The following AKR7A3 variants were observed in gnomAD, a reference collection of about 807,000 sequenced individuals.
AKR7A3 encodes the protein AFB1 aldehyde reductase 2.
AKR7A3 carries 37 observed loss-of-function variants against 32.5 expected under a neutral mutation model. That is an observed-to-expected ratio of 1.14 (90% CI 0.88 to 1.50). The LOEUF (loss-of-function observed/expected upper bound fraction) is 1.50. Among genes scored for constraint, AKR7A3 ranks in the 40% most tolerant of loss-of-function variants. AKR7A3 has a pLI of 0.00. For missense variants in AKR7A3, 412 were observed against 453.2 expected (o/e 0.91, Z 0.83); for synonymous variants, 177 against 188.4 (o/e 0.94, Z 0.50).
chr1:19,276,681 A>G, the AKR7A3 span, among the ~76,000 whole-genome samples: 1 of 151,802 alleles, frequency 6.6e-6, no homozygotes, highest in African/African-American at 2.4e-5. Flanking sequence ...ATGCACCTGT[A>G]ATCTCAGCTA....
chr1:19,284,028 G>A lies in AKR7A3; in HGVS notation c.802C>T (p.Leu268Phe). Residue 268 changes from leucine (L) to phenylalanine (F), a missense_variant, in exon 6 of 7, where the codon CTC (leucine) becomes TTC (phenylalanine). Leu to Phe is a conservative substitution (Grantham distance 22). Coordinates refer to ENST00000361640, the MANE Select transcript of AKR7A3 (RefSeq NM_012067.3). ...TGTGAGTGGTGGTACATCCACCGGA[G>A]GGTGGCCGAGGTCATGCTGGGGGCG... ...ASAPSMTSAT[L>F]RWMYHHSQLQ... 1.9e-6 allele frequency: 3 copies of A among 1,613,592 alleles called. No homozygotes were observed. The highest frequency in any genetic ancestry group is 2.5e-6 in the Non-Finnish European group (3 of 1,179,862).
At chr1:19,282,008 C>T (rs1344417749), downstream of AKR7A3, among the ~76,000 whole-genome samples, 1 of 151,836 alleles carries the variant, frequency 6.6e-6, no homozygotes, top group African/African-American at 2.4e-5. Context: ...GCCTTGAGTC[C>T]CAGATGAGAC....
intron 2 of AKR7A3, 48 bp from the exon 3 acceptor site, chr1:19,286,040 A>G (rs1336422561): frequency 2.5e-6 from 4 of 1,610,238 alleles, no homozygotes; most frequent in Middle Eastern, 3.3e-4. Flanking sequence ...CCAGACCAGG[A>G]AAGGGAGGCC....
intron 5 of AKR7A3, 119 bp downstream of exon 5, chr1:19,284,563 GAAGA>G: frequency 4.5e-6 from 5 of 1,099,030 alleles, no homozygotes; most frequent in Non-Finnish European, 6.7e-6. Flanking sequence ...GGAAATTCCC[GAAGA>G]AATTCAGGGG....
Position 19,283,990 on chromosome 1 carries a change from G to A in AKR7A3, c.834+6C>T, listed in dbSNP as rs774573028. 5 of 1,613,052 alleles carry A rather than the reference G, an allele frequency of 3.1e-6. No homozygotes were observed. In the Admixed American group the frequency reaches 6.7e-5, roughly 21 times the overall value. ...AAGAAGCTGAGCGCACAGGGTCACT[G>A]GTTACCTGCAGCTGTGAGTGGTGGT... On this transcript the variant is annotated splice_donor_region_variant and intron_variant, in intron 6 of 6. Coordinates refer to ENST00000361640, the MANE Select transcript of AKR7A3 (RefSeq NM_012067.3).
At chr1:19,276,959 C>G in the AKR7A3 span, among the ~76,000 whole-genome samples, 1 of 150,702 alleles carries the variant, frequency 6.6e-6, no homozygotes, top group East Asian at 2.0e-4. Flanking sequence ...ACTAAAAGTA[C>G]AAAAATTAGC....
Position 19,284,071 on chromosome 1 carries a change from C to A in AKR7A3, c.759G>T (p.Gln253His). 2 of 1,613,712 alleles carry A rather than the reference C, an allele frequency of 1.2e-6. No individual in the cohort carries two copies. The highest frequency in any genetic ancestry group is 1.7e-6 in the Non-Finnish European group (2 of 1,179,852). The part of the protein sequence containing the change: ...EGIALVEKAL[Q>H]AAYGASAPSM... Reference sequence around the variant, plus strand: ...TGGGGGCGCTGGCGCCATACGCGGCCTGCAGGGCCTTCTCCACCAGGGCAA... The same window carrying A: ...TGGGGGCGCTGGCGCCATACGCGGCATGCAGGGCCTTCTCCACCAGGGCAA... Residue 253 changes from glutamine (Q) to histidine (H), a missense_variant, in exon 6 of 7, where the codon CAG becomes CAT. Transcript: ENST00000361640.
Position 19,284,118 on chromosome 1 carries a change from T to G in AKR7A3, c.712A>C (p.Lys238Gln). 1.9e-6 allele frequency: 3 copies of G among 1,610,434 alleles called. No homozygotes were observed. Among genetic ancestry groups the G allele is most frequent in the Non-Finnish European group, 2.5e-6 (3 of 1,178,094 alleles). The change falls in exon 6 of 7, where the codon AAG (lysine) becomes CAG (glutamine). Residue 238 changes from lysine to glutamine, a missense_variant. By Grantham distance (53) the Lys-to-Gln change is moderately conservative. Transcript: ENST00000361640. Reference sequence around the variant, plus strand: ...GCAATGCCCTCAAAGTGGTGCTCCTTCCAGTAGCTGGGAAGGGGGGACGGT... The same window carrying G: ...GCAATGCCCTCAAAGTGGTGCTCCTGCCAGTAGCTGGGAAGGGGGGACGGT... ...WAEMYRNRYW[K>Q]EHHFEGIALV...
chr1:19,285,554 A>AAAGG (rs1398930289), intron 3 of AKR7A3, among the ~76,000 whole-genome samples: 3 of 151,612 alleles, frequency 2.0e-5, no homozygotes, highest in African/African-American at 7.3e-5. Flanking sequence ...GCCCATCTAG[A>AAAGG]AAGGCTTCCA....
chr1:19,288,388 G>C, intron 1 of AKR7A3, 108 bp downstream of exon 1: 1 of 1,369,720 alleles, frequency 7.3e-7, no homozygotes, highest in Non-Finnish European at 9.7e-7. Flanking sequence ...CGGTGGGGGG[G>C]ACAAAACTTT....
chr1:19,285,230 G>A lies in AKR7A3; in HGVS notation c.508-116C>T, dbSNP rs1163778430. The stretch of plus-strand genomic sequence containing the variant: ...AACAATTCTAGGACTTTAACCGTCT[G>A]GGCGTATACTTATTCTAACTGGTGC... On this transcript the variant is annotated intron_variant, in intron 3 of 6. Transcript: ENST00000361640. The A allele has an allele frequency of 9.6e-5, 92 of 961,552 alleles. 2 individuals are homozygous for A. In the East Asian group the frequency reaches 2.1e-3, roughly 22 times the overall value. 59.6% of individuals were successfully genotyped at this position (961,552 alleles called of 1,614,324 possible).
At chr1:19,287,552 G>A (rs1328608221) in intron 1 of AKR7A3, among the ~76,000 whole-genome samples, 3 of 151,852 alleles carry the variant, frequency 2.0e-5, no homozygotes, top group Non-Finnish European at 2.9e-5. Context: ...GCCAGGCATC[G>A]GCCTAAGCAC....
chr1:19,276,837 T>C, the AKR7A3 span, among the ~76,000 whole-genome samples: 2 of 150,938 alleles, frequency 1.3e-5, no homozygotes. Context: ...ACAGGCCAGG[T>C]GTGGTGGCTC....
chr1:19,288,622 C>A lies in AKR7A3; in HGVS notation c.88G>T (p.Ala30Ser). The stretch of plus-strand genomic sequence containing the variant: ...CGCTCCAGGAAGGCGCGCGTGACTG[C>A]GGCGCTGGTGGGCGCGTCCATGCGG... ...GRRMDAPTSA[A>S]VTRAFLERGH... is the part of the protein sequence containing the mutation. The change falls in exon 1 of 7, where the codon GCA becomes TCA. Residue 30 changes from alanine to serine, a missense_variant. Coordinates refer to ENST00000361640, the MANE Select transcript of AKR7A3 (RefSeq NM_012067.3). The A allele has an allele frequency of 1.3e-6, 2 of 1,573,978 alleles. No individual in the cohort carries two copies. The highest frequency in any genetic ancestry group is 1.7e-6 in the Non-Finnish European group (2 of 1,161,770).
chr1:19,282,855 C>T lies in AKR7A3; in HGVS notation c.872G>A (p.Ser291Asn). Residue 291 changes from serine (S) to asparagine (N), a missense_variant, in exon 7 of 7, where the codon AGC (serine) becomes AAC (asparagine). Coordinates refer to ENST00000361640, the MANE Select transcript of AKR7A3 (RefSeq NM_012067.3). Reference sequence around the variant, plus strand: ...CAAGTTCTGCTCCAGCTGCTCCAGGCTGGACATGCCCAGGATGACCGCGTC... The same window carrying T: ...CAAGTTCTGCTCCAGCTGCTCCAGGTTGGACATGCCCAGGATGACCGCGTC... Reference protein sequence around the residue: ...HGDAVILGMSSLEQLEQNLAA... With the variant: ...HGDAVILGMSNLEQLEQNLAA... 2 of 1,613,094 alleles carry T rather than the reference C, an allele frequency of 1.2e-6. No homozygotes were observed. Among genetic ancestry groups the T allele is most frequent in the Non-Finnish European group, 1.7e-6 (2 of 1,179,914 alleles).
intron 3 of AKR7A3, among the ~76,000 whole-genome samples, chr1:19,285,386 A>C (rs920201717): frequency 6.6e-6 from 1 of 151,896 alleles, no homozygotes; most frequent in African/African-American, 2.4e-5. Flanking sequence ...AAGGTTTTAT[A>C]ATAAGGTCAA....
rs2093735914 is a variant in AKR7A3, at chr1:19,288,750, CGCAGCGGTCGGAAGCACCAG to C, written c.-61_-42del. On this transcript the variant is annotated 5_prime_UTR_variant, in exon 1 of 7. Coordinates refer to ENST00000361640, the MANE Select transcript of AKR7A3 (RefSeq NM_012067.3). ...AGACTGTGACAGCCCAGGAGCCGCG[CGCAGCGGTCGGAAGCACCAG>C]GCTCGGAGCGGGCGGCCTCGTGGCT... 7.1e-7 allele frequency: 1 copy of C among 1,418,020 alleles called. No individual in the cohort carries two copies. The highest frequency in any genetic ancestry group is 1.5e-5 in the African/African-American group (1 of 66,668). 87.8% of individuals were successfully genotyped at this position (1,418,020 alleles called of 1,614,324 possible). A position where few individuals can be genotyped will look rare whatever the true frequency, so the allele number is the denominator to read the frequency against.
intron 1 of AKR7A3, 129 bp downstream of exon 1, chr1:19,288,366 CA>C (rs1464533683): frequency 2.3e-5 from 26 of 1,144,710 alleles, no homozygotes; most frequent in Non-Finnish European, 2.5e-5. Flanking sequence ...GCGAGGTGAA[CA>C]GGGGTGGGGG....
chr1:19,278,245 G>A (rs1021824548), downstream of AKR7A3, among the ~76,000 whole-genome samples: 6 of 151,652 alleles, frequency 4.0e-5, no homozygotes, highest in Middle Eastern at 3.4e-3. Context: ...CACCATGACC[G>A]GCCTGTTTTG....
Sources: allele counts gnomAD v4.1 joint callset (sites outside exome capture counted in the v4.1 genomes callset), GRCh38; gene constraint gnomAD v4.1.1; transcripts MANE v1.5; gene names NCBI Gene and HGNC (gene_info 2026-07-23, HGNC 2026-07-21).